The following PLXNB1 variants were observed in gnomAD, a reference collection of about 807,000 sequenced individuals.
PLXNB1 encodes the protein plexin B1, also known as plexin-B1.
PLXNB1 carries 106 observed loss-of-function variants against 209.4 expected under a neutral mutation model. The ratio of observed to expected loss-of-function variants is 0.51; its 90% CI spans 0.43 to 0.59. PLXNB1 has a LOEUF of 0.59. Among genes scored for constraint, PLXNB1 ranks in the 20% least tolerant of loss-of-function variants. The pLI, the probability that PLXNB1 is intolerant of heterozygous loss-of-function variation, is 0.00. For synonymous variants in PLXNB1, 1,167 were observed against 1,183.2 expected (o/e 0.99, Z 0.28); for missense variants, 2,357 against 2,853.2 (o/e 0.83, Z 3.96).
At chr3:48,426,699 G>A (rs901580502) in intron 1 of PLXNB1, among the ~76,000 whole-genome samples, 1 of 152,224 alleles carries the variant, frequency 6.6e-6, no homozygotes, top group Non-Finnish European at 1.5e-5. Context: ...AATAGCTTGG[G>A]GGTTTCCATT....
rs2038357301 is a variant in PLXNB1, at chr3:48,419,695, G to C, written c.2591C>G (p.Ser864Cys). The C allele has an allele frequency of 6.2e-7, 1 of 1,612,504 alleles. No individual in the cohort carries two copies. Among genetic ancestry groups the C allele is most frequent in the African/African-American group, 1.3e-5 (1 of 75,048 alleles). The change falls in exon 11 of 38, where the codon TCC becomes TGC. Residue 864 changes from serine (S) to cysteine (C), a missense_variant. Physicochemically the swap from Ser to Cys is moderately radical, Grantham distance 112. This residue lies in a region of PLXNB1 where 410 missense variants were observed against 401.0 expected (regional missense o/e 1.02). Coordinates refer to ENST00000296440, the MANE Select transcript of PLXNB1 (RefSeq NM_001130082.3). This position sits in a 1 kb window ranked among gnomAD's most constrained non-coding sequence, Gnocchi z 5.7. ...ATCACCTGAGAGGAGGGTGGAAGTGGAGAAGGCGGGTGCGTCACCCCCCGT... is the reference window on the plus strand; with the variant it reads ...ATCACCTGAGAGGAGGGTGGAAGTGCAGAAGGCGGGTGCGTCACCCCCCGT... ...EWTGGDAPAF[S>C]TSTLLSGDGD...
rs377100211 is a variant in PLXNB1, at chr3:48,423,916, G to A, written c.696C>T (p.Phe232=). The change falls in exon 3 of 38, where the codon TTC becomes TTT. Residue 232 remains phenylalanine, a synonymous_variant. Transcript: ENST00000296440. ...ACTGAGCCTGCAGGTCCCGCCGCAG[G>A]AACAGGAAGTAGGCGCTGGCCCCAC... ...FARGASAYFL[F]LRRDLQAQSR... The A allele has an allele frequency of 5.5e-5, 88 of 1,614,178 alleles. No individual in the cohort carries two copies. The East Asian group carries it at 1.1e-3, about 20-fold the overall frequency.
At position 48,420,595 on chromosome 3, in the gene PLXNB1, G is replaced by A. The variant is rs2038443437; in HGVS notation, c.2028+70C>T. On this transcript the variant is annotated intron_variant, in intron 10 of 37. Coordinates refer to ENST00000296440, the MANE Select transcript of PLXNB1 (RefSeq NM_001130082.3). ...CCTCACATAGGCAGACAGACCCCGG[G>A]CCATGAGAAAAACTCTCACACTGGG... The A allele has an allele frequency of 1.4e-5, 17 of 1,241,106 alleles. No individual in the cohort carries two copies. In the South Asian group the frequency reaches 1.7e-4, roughly 12 times the overall value. 76.9% of individuals were successfully genotyped at this position (1,241,106 alleles called of 1,614,324 possible). A position where few individuals can be genotyped will look rare whatever the true frequency, so the allele number is the denominator to read the frequency against.
At position 48,406,652 on chromosome 3, in the gene PLXNB1, C is replaced by G; in HGVS notation, c.6228+171G>C. On this transcript the variant is annotated intron_variant, in intron 36 of 37. Transcript: ENST00000296440. The surrounding 1 kb of genome is among the most constrained non-coding windows in gnomAD (Gnocchi z 4.4). ...GCTCTGTGATGAGATGGTGGGAGCCCTGGTCTTTCAGTGGCAGTTGGAACA... is the reference window on the plus strand; with the variant it reads ...GCTCTGTGATGAGATGGTGGGAGCCGTGGTCTTTCAGTGGCAGTTGGAACA... 7.0e-7 allele frequency: 1 copy of G among 1,424,258 alleles called. No individual in the cohort carries two copies. Among genetic ancestry groups the G allele is most frequent in the Non-Finnish European group, 9.2e-7 (1 of 1,091,466 alleles). The allele number at this position is 1,424,258 out of a possible 1,614,324, so 88.2% of individuals were successfully genotyped here.
At position 48,410,581 on chromosome 3, in the gene PLXNB1, G is replaced by A. The variant is rs753197685; in HGVS notation, c.5417-23C>T. 1.3e-6 allele frequency: 2 copies of A among 1,589,964 alleles called. No individual in the cohort carries two copies. Among genetic ancestry groups the A allele is most frequent in the Non-Finnish European group, 1.7e-6 (2 of 1,159,130 alleles). ...ACTCTGCAAGGGCAAGGCAGAACTG[G>A]GTGCAGGGCTGGAAGATACCCTTCC... On this transcript the variant is annotated intron_variant, in intron 29 of 37. Transcript: ENST00000296440. This position sits in a 1 kb window ranked among gnomAD's most constrained non-coding sequence, Gnocchi z 6.4.
At position 48,413,152 on chromosome 3, in the gene PLXNB1, G is replaced by T; in HGVS notation, c.4553C>A (p.Ala1518Asp). 1 of 1,612,530 alleles carries T rather than the reference G, an allele frequency of 6.2e-7. No homozygotes were observed. The highest frequency in any genetic ancestry group is 8.5e-7 in the Non-Finnish European group (1 of 1,179,834). ...CTGAACCTTCTTATAGTCCCTCAGG[G>T]CCTGCTTGCTCTTCCTCCTGCTCAG... ...VLMYRRKSKQ[A>D]LRDYKKVQIQ... Residue 1518 changes from alanine to aspartate, a missense_variant, in exon 24 of 38, where the codon GCC becomes GAC. Around this residue, in one of 7 missense-constraint regions of PLXNB1, gnomAD observed 743 missense variants for 896.2 expected, o/e 0.83. Transcript: ENST00000296440. The surrounding 1 kb of genome is among the most constrained non-coding windows in gnomAD (Gnocchi z 5.4).
In PLXNB1 at chr3:48,418,843, G is replaced by C. The variant is rs2038286208; in HGVS notation, c.2955+74C>G. 5 of 1,580,272 alleles carry C rather than the reference G, an allele frequency of 3.2e-6. No individual in the cohort carries two copies. The highest frequency in any genetic ancestry group is 4.3e-6 in the Non-Finnish European group (5 of 1,155,746). On this transcript the variant is annotated intron_variant, in intron 13 of 37. Transcript: ENST00000296440. This position sits in a 1 kb window ranked among gnomAD's most constrained non-coding sequence, Gnocchi z 6.6. The stretch of plus-strand genomic sequence containing the variant: ...GCGTGGCTCTGGAAAGTGTGGTGCA[G>C]CCAGCTACAGTTGGCAGCCAGCCTG...
rs757449142 is a variant in PLXNB1, at chr3:48,413,028, G to A, written c.4636+41C>T. ...ATCCCGTGTGATGGGAGTGGGTTTG[G>A]GCAGAGTTCTGGAGGGCGGGGCCCA... On this transcript the variant is annotated intron_variant, in intron 24 of 37. Transcript: ENST00000296440. This position sits in a 1 kb window ranked among gnomAD's most constrained non-coding sequence, Gnocchi z 5.4. 6.2e-7 allele frequency: 1 copy of A among 1,609,224 alleles called. No homozygotes were observed. The highest frequency in any genetic ancestry group is 8.5e-7 in the Non-Finnish European group (1 of 1,175,602).
chr3:48,413,087 A>G lies in PLXNB1; in HGVS notation c.4618T>C (p.Cys1540Arg). Residue 1540 changes from cysteine to arginine, a missense_variant, in exon 24 of 38, where the codon TGC (cysteine) becomes CGC (arginine). Around this residue, in one of 7 missense-constraint regions of PLXNB1, gnomAD observed 743 missense variants for 896.2 expected, o/e 0.83. Transcript: ENST00000296440. This position sits in a 1 kb window ranked among gnomAD's most constrained non-coding sequence, Gnocchi z 5.4. ...GCCACACCTGTGAATTCCTTCTTGC[A>G]GCGGTCCCGCACACTGCTCTCCAGA... ...ENLESSVRDR[C>R]KKEFTDLMTE... 1.9e-6 allele frequency: 3 copies of G among 1,613,896 alleles called. No homozygotes were observed. The highest frequency in any genetic ancestry group is 1.1e-5 in the South Asian group (1 of 91,082).
chr3:48,410,756 G>T lies in PLXNB1; in HGVS notation c.5416+112C>A. The T allele has an allele frequency of 8.7e-7, 1 of 1,144,266 alleles. No individual in the cohort carries two copies. The highest frequency in any genetic ancestry group is 1.2e-6 in the Non-Finnish European group (1 of 807,220). 70.9% of individuals were successfully genotyped at this position (1,144,266 alleles called of 1,614,324 possible). A position where few individuals can be genotyped will look rare whatever the true frequency, so the allele number is the denominator to read the frequency against. On this transcript the variant is annotated intron_variant, in intron 29 of 37. Transcript: ENST00000296440. This position sits in a 1 kb window ranked among gnomAD's most constrained non-coding sequence, Gnocchi z 6.4. ...GATGTTCCAAAGCCAGCTTCTGCCT[G>T]CCTCCCAGCATCCTCCCCACCCTGA...
intron 1 of PLXNB1, among the ~76,000 whole-genome samples, chr3:48,425,742 A>G (rs2038852764): frequency 6.6e-6 from 1 of 152,100 alleles, no homozygotes; most frequent in African/African-American, 2.4e-5. Flanking sequence ...CCAGCGCTTC[A>G]GCAGACAGGC....
In PLXNB1 at chr3:48,411,775, C is replaced by G; in HGVS notation, c.5247+88G>C. On this transcript the variant is annotated intron_variant, in intron 28 of 37. Coordinates refer to ENST00000296440, the MANE Select transcript of PLXNB1 (RefSeq NM_001130082.3). The surrounding 1 kb of genome is among the most constrained non-coding windows in gnomAD (Gnocchi z 4.0). ...CTACATCCAGGTACCACATCAGAAG[C>G]TGGTGTCCAGACCCCACACACCCAC... 1 of 1,425,346 alleles carries G rather than the reference C, an allele frequency of 7.0e-7. No homozygotes were observed. Among genetic ancestry groups the G allele is most frequent in the South Asian group, 1.3e-5 (1 of 77,988 alleles). 88.3% of individuals were successfully genotyped at this position (1,425,346 alleles called of 1,614,324 possible).
intron 7 of PLXNB1, 48 bp from the exon 8 acceptor site, chr3:48,421,432 C>A (rs747797843): frequency 2.1e-5 from 31 of 1,506,778 alleles, no homozygotes; most frequent in South Asian, 8.0e-5. Flanking sequence ...GGGCAGCAGA[C>A]CAGGGCTCAC....
chr3:48,424,669 C>A, intron 2 of PLXNB1, 52 bp from the exon 3 acceptor site: 1 of 1,508,276 alleles, frequency 6.6e-7, no homozygotes, highest in Non-Finnish European at 8.9e-7. Context: ...GCCAGAGCAC[C>A]CTGGGGCCAC....
At position 48,421,665 on chromosome 3, in the gene PLXNB1, A is replaced by T; in HGVS notation, c.1653+9T>A. On this transcript the variant is annotated intron_variant, in intron 7 of 37. Coordinates refer to ENST00000296440, the MANE Select transcript of PLXNB1 (RefSeq NM_001130082.3). ...TCCCCACCAGGGCCCTGCCTATCTG[A>T]TCATTCACCTCCCTCGTCTCCTCTC... The T allele has an allele frequency of 1.3e-6, 2 of 1,591,842 alleles. No individual in the cohort carries two copies. Among genetic ancestry groups the T allele is most frequent in the Non-Finnish European group, 1.7e-6 (2 of 1,162,778 alleles).
At chr3:48,428,482 C>A (rs1300072850) in intron 1 of PLXNB1, among the ~76,000 whole-genome samples, 1 of 152,208 alleles carries the variant, frequency 6.6e-6, no homozygotes, top group Non-Finnish European at 1.5e-5. Flanking sequence ...AGAGCAAGCA[C>A]CTCCCGGACC....
rs144772818 is a variant in PLXNB1 at position 48,424,570 on chromosome 3, G to A, written c.42C>T (p.Ala14=). The A allele has an allele frequency of 1.9e-4, 289 of 1,549,610 alleles. No individual in the cohort carries two copies. The African/African-American group carries it at 3.3e-3, about 18-fold the overall frequency. ...LGPALLQALW[A]GWVLTLQPLP... is the part of the protein sequence containing the mutation. ...GGGGCTGGAGGGTGAGGACCCACCC[G>A]GCCCAGAGAGCCTGGAGAAGAGCTG... The change falls in exon 3 of 38, where the codon GCC becomes GCT. Residue 14 remains alanine (A), a synonymous_variant. Transcript: ENST00000296440.
chr3:48,407,483 T>G (rs568154209), intron 34 of PLXNB1, among the ~76,000 whole-genome samples: 2 of 152,276 alleles, frequency 1.3e-5, no homozygotes, highest in East Asian at 3.9e-4. Flanking sequence ...ACCACCTCTC[T>G]CCCCAGTGGC....
Position 48,415,085 on chromosome 3 carries a change from G to C in PLXNB1, c.3967-44C>G, listed in dbSNP as rs376369921. 6.2e-7 allele frequency: 1 copy of C among 1,608,266 alleles called. No homozygotes were observed. Among genetic ancestry groups the C allele is most frequent in the East Asian group, 2.2e-5 (1 of 44,746 alleles). ...GGTTGACGAGGGGCCAAGCAAAGAT[G>C]GGAAGAGCCTCCTCTGGCACCTGCT... is the stretch of plus-strand genomic sequence containing the variant. On this transcript the variant is annotated intron_variant, in intron 20 of 37. Coordinates refer to ENST00000296440, the MANE Select transcript of PLXNB1 (RefSeq NM_001130082.3). This position sits in a 1 kb window ranked among gnomAD's most constrained non-coding sequence, Gnocchi z 5.0.
Sources: gnomAD v4.1 joint callset for allele counts (sites outside exome capture counted in the v4.1 genomes callset) on GRCh38, gnomAD v4.1.1 for gene constraint, gnomAD v4.1.1 regional missense constraint, Gnocchi (gnomAD v3.1) non-coding constraint, MANE v1.5 for transcripts, NCBI Gene and HGNC (gene_info 2026-07-23, HGNC 2026-07-21) for gene names.